Variants in ING1 observed in about 807,000 individuals in gnomAD.
ING1 encodes the protein inhibitor of growth family member 1, also known as inhibitor of growth protein 1.
ING1 carries 4 observed loss-of-function variants against 23.1 expected under a neutral mutation model. The ratio of observed to expected loss-of-function variants is 0.17; its 90% CI spans 0.09 to 0.40. ING1 has a LOEUF of 0.40. Among genes scored for constraint, ING1 ranks in the 10% least tolerant of loss-of-function variants. ING1 has a pLI of 1.00. For synonymous variants in ING1, 179 were observed against 166.4 expected, an observed-to-expected ratio of 1.08 and a Z score of -0.58; for missense variants, 256 against 393.8, an observed-to-expected ratio of 0.65 and a Z score of 2.96.
chr13:110,715,996 T>A (rs2064118556), intron 1 of ING1: 1 of 1,504,792 alleles, frequency 6.6e-7, no homozygotes, highest in African/African-American at 1.4e-5. Context: ...GGGCCGCGCG[T>A]GGCCGTGGAA....
Position 110,719,154 on chromosome 13 carries a change from C to CT in ING1, c.137-75_137-74insT. ...CCCTAGGCTCCCTGCCAGCCCTCTC[C>CT]GTAGACCCGTCCGGGGCCGTGTGGG... On this transcript the variant is annotated intron_variant, in intron 1 of 1. Transcript: ENST00000333219. This position sits in a 1 kb window ranked among gnomAD's most constrained non-coding sequence, Gnocchi z 8.9. 1 of 1,471,378 alleles carries CT rather than the reference C, an allele frequency of 6.8e-7. No individual in the cohort carries two copies. Among genetic ancestry groups the CT allele is most frequent in the Non-Finnish European group, 9.3e-7 (1 of 1,071,114 alleles). 91.1% of individuals were successfully genotyped at this position (1,471,378 alleles called of 1,614,324 possible). A position where few individuals can be genotyped will look rare whatever the true frequency, so the allele number is the denominator to read the frequency against.
At chr13:110,714,427 A>C in intron 1 of ING1, 142 bp downstream of exon 1, 1 of 752,160 alleles carries the variant, frequency 1.3e-6, no homozygotes, top group Non-Finnish European at 1.8e-6. Flanking sequence ...GGCAGGAACA[A>C]AAGGTCTGGA....
chr13:110,715,277 G>A, intron 1 of ING1: 1 of 1,384,168 alleles, frequency 7.2e-7, no homozygotes, highest in Non-Finnish European at 9.3e-7. Context: ...AGAGTTGGGT[G>A]GGGGCAAAAA....
Position 110,719,511 on chromosome 13 carries a change from C to T in ING1, c.419C>T (p.Ala140Val), listed in dbSNP as rs536336261. 4.2e-5 allele frequency: 68 copies of T among 1,611,354 alleles called. No homozygotes were observed. Among genetic ancestry groups the T allele is most frequent in the Admixed American group, 2.0e-4 (12 of 59,402 alleles). The change falls in exon 2 of 2, where the codon GCG becomes GTG. Residue 140 changes from alanine to valine, a missense_variant. Physicochemically the swap from Ala to Val is moderately conservative, Grantham distance 64. Coordinates refer to ENST00000333219, the MANE Select transcript of ING1 (RefSeq NM_198219.3). The surrounding 1 kb of genome is among the most constrained non-coding windows in gnomAD (Gnocchi z 8.9). Reference sequence around the variant, plus strand: ...GACAGGCCCAAAGGCGAGGCGGCAGCGCAGGCTGACAAGCCCAACAGCAAG... The same window carrying T: ...GACAGGCCCAAAGGCGAGGCGGCAGTGCAGGCTGACAAGCCCAACAGCAAG... ...GADRPKGEAA[A>V]QADKPNSKRS...
Position 110,719,938 on chromosome 13 carries a change from G to A in ING1, c.*6G>A, listed in dbSNP as rs1268949708. On this transcript the variant is annotated 3_prime_UTR_variant, in exon 2 of 2. Transcript: ENST00000333219. The surrounding 1 kb of genome is among the most constrained non-coding windows in gnomAD (Gnocchi z 8.9). Reference sequence around the variant, plus strand: ...AGAGGGCTTACAACAGGTAGTTTGTGGACAGGCGCCTGGTGTGAGGAGGAC... The same window carrying A: ...AGAGGGCTTACAACAGGTAGTTTGTAGACAGGCGCCTGGTGTGAGGAGGAC... 4 of 1,586,844 alleles carry A rather than the reference G, an allele frequency of 2.5e-6. No individual in the cohort carries two copies. The African/African-American group carries it at 4.1e-5, about 16-fold the overall frequency.
chr13:110,717,105 A>G (rs565721958), intron 1 of ING1, among the ~76,000 whole-genome samples: 70 of 152,304 alleles, frequency 4.6e-4, no homozygotes, highest in African/African-American at 1.6e-3. Context: ...TGAAATGACA[A>G]TATTGTCTTT....
intron 1 of ING1, among the ~76,000 whole-genome samples, chr13:110,718,084 T>C (rs1204909439): frequency 6.6e-6 from 1 of 152,238 alleles, no homozygotes; most frequent in African/African-American, 2.4e-5. Context: ...TCCTCTAACA[T>C]GCCCAGGAAG....
rs773317453 is a variant in ING1 at position 110,715,826 on chromosome 13, C to T, written c.136+1541C>T. ...TGGCGGGTGTCGCCCCGGCCCCTCT[C>T]CCCGCTCAGCCCGGCCACTTTCGGG... is the stretch of plus-strand genomic sequence containing the variant. On this transcript the variant is annotated intron_variant, in intron 1 of 1. Transcript: ENST00000333219. 7.6e-6 allele frequency: 12 copies of T among 1,587,094 alleles called. No individual in the cohort carries two copies. In the South Asian group the frequency reaches 8.9e-5, roughly 12 times the overall value.
At chr13:110,713,113 A>T (rs1208594949), upstream of ING1, 2 of 1,436,162 alleles carry the variant, frequency 1.4e-6, no homozygotes, top group Non-Finnish European at 1.8e-6. Context: ...TTCTAGTAGT[A>T]AGAGTCCGGG....
rs181086850 is a variant in ING1, at chr13:110,718,916, C to T, written c.137-313C>T. 1.4e-4 allele frequency among the ~76,000 whole-genome samples: 21 copies of T among 152,348 alleles called. No individual in the cohort carries two copies. The East Asian group carries it at 3.9e-3, about 28-fold the overall frequency. On this transcript the variant is annotated intron_variant, in intron 1 of 1. Coordinates refer to ENST00000333219, the MANE Select transcript of ING1 (RefSeq NM_198219.3). The stretch of plus-strand genomic sequence containing the variant: ...ACTGCACCTCATTTAAACGTTTCCT[C>T]TTAATGGCTTCGGGCGTTGTCACCC...
rs2064158851 is a variant in ING1, at chr13:110,719,990, G to A, written c.*58G>A. On this transcript the variant is annotated 3_prime_UTR_variant, in exon 2 of 2. Transcript: ENST00000333219. This position sits in a 1 kb window ranked among gnomAD's most constrained non-coding sequence, Gnocchi z 8.9. The stretch of plus-strand genomic sequence containing the variant: ...AAATAAACCGTGTATTTATTACATT[G>A]CTGCCTTTGTTGAGGTGCAAGGAGT... The A allele has an allele frequency of 7.9e-7, 1 of 1,273,098 alleles. No homozygotes were observed. Among genetic ancestry groups the A allele is most frequent in the African/African-American group, 1.5e-5 (1 of 66,066 alleles). The allele number at this position is 1,273,098 out of a possible 1,614,324, so 78.9% of individuals were successfully genotyped here. A position where few individuals can be genotyped will look rare whatever the true frequency, so the allele number is the denominator to read the frequency against.
chr13:110,714,948 CTGTG>C, intron 1 of ING1: 1 of 981,068 alleles, frequency 1.0e-6, no homozygotes, highest in Non-Finnish European at 1.2e-6. Flanking sequence ...GGGCTTTTCT[CTGTG>C]TGCCGTAGGG....
chr13:110,714,928 C>A, intron 1 of ING1: 1 of 955,642 alleles, frequency 1.0e-6, no homozygotes, highest in South Asian at 4.8e-5. Flanking sequence ...TTGTAGTTTG[C>A]GGAGGACGAG....
At chr13:110,716,068 G>A (rs1043690968) in intron 1 of ING1, 16 of 1,465,298 alleles carry the variant, frequency 1.1e-5, no homozygotes, top group Middle Eastern at 2.5e-4. Flanking sequence ...TTTCTGGAAG[G>A]TGCTGTCCTC....
Position 110,714,240 on chromosome 13 carries a change from C to A in ING1, c.91C>A (p.Gln31Lys). 1 of 1,578,024 alleles carries A rather than the reference C, an allele frequency of 6.3e-7. No individual in the cohort carries two copies. Among genetic ancestry groups the A allele is most frequent in the Non-Finnish European group, 8.6e-7 (1 of 1,163,904 alleles). The change falls in exon 1 of 2, where the codon CAG (glutamine) becomes AAG (lysine). Residue 31 changes from glutamine to lysine, a missense_variant. Physicochemically the swap from Gln to Lys is moderately conservative, Grantham distance 53. Around this residue, in one of 3 missense-constraint regions of ING1, gnomAD observed 209 missense variants for 273.8 expected, o/e 0.76. Coordinates refer to ENST00000333219, the MANE Select transcript of ING1 (RefSeq NM_198219.3). ...DSIESLPFDL[Q>K]RNVSLMREID... Reference sequence around the variant, plus strand: ...CATCGAGTCCCTGCCTTTCGACTTGCAGAGAAATGTCTCGCTGATGCGGGA... The same window carrying A: ...CATCGAGTCCCTGCCTTTCGACTTGAAGAGAAATGTCTCGCTGATGCGGGA...
At chr13:110,712,950 T>C, upstream of ING1, 2 of 1,559,424 alleles carry the variant, frequency 1.3e-6, no homozygotes, top group African/African-American at 2.7e-5. Context: ...CCTAGGCTGC[T>C]GGGAGTGGTG....
At position 110,719,143 on chromosome 13, in the gene ING1, C is replaced by A. The variant is rs1298539742; in HGVS notation, c.137-86C>A. On this transcript the variant is annotated intron_variant, in intron 1 of 1. Coordinates refer to ENST00000333219, the MANE Select transcript of ING1 (RefSeq NM_198219.3). This position sits in a 1 kb window ranked among gnomAD's most constrained non-coding sequence, Gnocchi z 8.9. The stretch of plus-strand genomic sequence containing the variant: ...CGTGCGCTGGCCCCTAGGCTCCCTG[C>A]CAGCCCTCTCCGTAGACCCGTCCGG... The A allele has an allele frequency of 3.0e-6, 4 of 1,345,960 alleles. No homozygotes were observed. The highest frequency in any genetic ancestry group is 4.6e-5 in the East Asian group (2 of 43,162). The allele number at this position is 1,345,960 out of a possible 1,614,324, so 83.4% of individuals were successfully genotyped here. A position where few individuals can be genotyped will look rare whatever the true frequency, so the allele number is the denominator to read the frequency against.
intron 1 of ING1, among the ~76,000 whole-genome samples, chr13:110,717,819 C>T (rs932948515): frequency 6.6e-6 from 1 of 152,034 alleles, no homozygotes; most frequent in African/African-American, 2.4e-5. Flanking sequence ...GAGTGAAACT[C>T]CGTTTCAACA....
At position 110,719,585 on chromosome 13, in the gene ING1, A is replaced by G; in HGVS notation, c.493A>G (p.Asn165Asp). The G allele has an allele frequency of 6.2e-7, 1 of 1,611,442 alleles. No homozygotes were observed. The highest frequency in any genetic ancestry group is 8.5e-7 in the Non-Finnish European group (1 of 1,179,310). ...CGAGAACCGTGAGAACGCGTCCAGC[A>G]ACCACGACCACGACGACGGCGCCTC... ...NNENRENASSNHDHDDGASGT... is the reference protein window; with the variant it reads ...NNENRENASSDHDHDDGASGT... Residue 165 changes from asparagine (N) to aspartate (D), a missense_variant, in exon 2 of 2, where the codon AAC (asparagine) becomes GAC (aspartate). This residue lies in a region of ING1 where 209 missense variants were observed against 273.8 expected (regional missense o/e 0.76). Coordinates refer to ENST00000333219, the MANE Select transcript of ING1 (RefSeq NM_198219.3). This position sits in a 1 kb window ranked among gnomAD's most constrained non-coding sequence, Gnocchi z 8.9.
Sources: allele counts gnomAD v4.1 joint callset (sites outside exome capture counted in the v4.1 genomes callset), GRCh38; gene constraint gnomAD v4.1.1; regional missense constraint gnomAD v4.1.1; non-coding constraint Gnocchi (gnomAD v3.1); transcripts MANE v1.5; gene names NCBI Gene and HGNC (gene_info 2026-07-23, HGNC 2026-07-21).